Variants in DDR2 observed in about 807,000 individuals in gnomAD.
The protein encoded by DDR2 is discoidin domain receptor tyrosine kinase 2.
Under a neutral mutation model 94.9 loss-of-function variants are expected in DDR2, and 27 were observed. That is an observed-to-expected ratio of 0.28 (90% confidence interval 0.21 to 0.39). The LOEUF (loss-of-function observed/expected upper bound fraction) is 0.39, where lower values mean the gene tolerates loss of function less well. Ranked by LOEUF, DDR2 falls within the 10% of genes least tolerant of loss-of-function variation. The probability of loss-of-function intolerance (pLI) is 1.00; values close to 1 mark genes in which losing one functional copy is unlikely to be tolerated. For synonymous variants in DDR2, 382 were observed against 377.2 expected, an observed-to-expected ratio of 1.01 and a Z score of -0.15; for missense variants, 783 against 1,076.0, an observed-to-expected ratio of 0.73 and a Z score of 3.81.
At chr1:162,748,818 G>C (rs549216614) in intron 3 of DDR2, among the ~76,000 whole-genome samples, 34 of 152,328 alleles carry the variant, frequency 2.2e-4, no homozygotes, top group African/African-American at 7.9e-4. Flanking sequence ...TCAGACCACA[G>C]TGCAATCAAA....
At chr1:162,729,296 ATATATTT>A (rs1436659313) in intron 3 of DDR2, among the ~76,000 whole-genome samples, 752 of 33,020 alleles carry the variant, frequency 0.023, 18 homozygotes, top group African/African-American at 0.053. Flanking sequence ...ATATATATAT[ATATATTT>A]TTTTTTTTTT....
At chr1:162,770,050 T>A (rs577694836) in intron 11 of DDR2, among the ~76,000 whole-genome samples, 9 of 152,242 alleles carry the variant, frequency 5.9e-5, no homozygotes, top group East Asian at 3.9e-4. Context: ...CTTTTTTTTT[T>A]AAGTGTTTCA....
chr1:162,763,230 G>C (rs540847983), intron 9 of DDR2, among the ~76,000 whole-genome samples: 9 of 148,364 alleles, frequency 6.1e-5, no homozygotes, highest in African/African-American at 1.7e-4. Flanking sequence ...GCCCAGGCTG[G>C]AGTACTATCT....
chr1:162,643,118 C>T (rs1234585921), intron 1 of DDR2, among the ~76,000 whole-genome samples: 2 of 152,138 alleles, frequency 1.3e-5, no homozygotes, highest in East Asian at 1.9e-4. Context: ...CTTTCCTTCA[C>T]AACTTTCTGA....
At chr1:162,749,660 G>A (rs543959379) in intron 3 of DDR2, among the ~76,000 whole-genome samples, 1 of 152,108 alleles carries the variant, frequency 6.6e-6, no homozygotes, top group African/African-American at 2.4e-5. Context: ...ATTTTATAAG[G>A]CCAGCATCAT....
In DDR2 at chr1:162,671,023, G is replaced by A. The variant is rs571518053; in HGVS notation, c.-28+15649G>A. On this transcript the variant is annotated intron_variant, in intron 2 of 17. Transcript: ENST00000367921. ...GCCAGGAGGTTCACAGTAAATGAGGGGTGTGGTCTGTGAAGGGAAAAGTGG... is the reference window on the plus strand; with the variant it reads ...GCCAGGAGGTTCACAGTAAATGAGGAGTGTGGTCTGTGAAGGGAAAAGTGG... 3.3e-5 allele frequency among the ~76,000 whole-genome samples: 5 copies of A among 152,154 alleles called. No individual in the cohort carries two copies. The East Asian group carries it at 7.7e-4, about 24-fold the overall frequency.
At chr1:162,744,765 G>A (rs1662770408) in intron 3 of DDR2, among the ~76,000 whole-genome samples, 1 of 151,068 alleles carries the variant, frequency 6.6e-6, no homozygotes, top group African/African-American at 2.4e-5. Flanking sequence ...ATAGTCATTT[G>A]TGTTGTTTCC....
chr1:162,643,112 C>T (rs1657223432), intron 1 of DDR2, among the ~76,000 whole-genome samples: 1 of 152,074 alleles, frequency 6.6e-6, no homozygotes, highest in African/African-American at 2.4e-5. Flanking sequence ...TATTGTCTTT[C>T]CTTCACAACT....
intron 11 of DDR2, among the ~76,000 whole-genome samples, chr1:162,768,514 G>A (rs1312771845): frequency 1.3e-5 from 2 of 152,192 alleles, no homozygotes; most frequent in African/African-American, 4.8e-5. Flanking sequence ...ACCAATGCCT[G>A]TGTGGAACCT....
At position 162,664,469 on chromosome 1, in the gene DDR2, A is replaced by G. The variant is rs984266970; in HGVS notation, c.-28+9095A>G. Among the ~76,000 whole-genome samples, 24 of 152,292 alleles carry G rather than the reference A, an allele frequency of 1.6e-4. No individual in the cohort carries two copies. In the East Asian group the frequency reaches 4.2e-3, roughly 27 times the overall value. ...AAATTTATTATAGAATTATGTACTA[A>G]AAAACCCTAAATGACCAGCCTTGAG... On this transcript the variant is annotated intron_variant, in intron 2 of 17. Coordinates refer to ENST00000367921, the MANE Select transcript of DDR2 (RefSeq NM_006182.4).
intron 2 of DDR2, among the ~76,000 whole-genome samples, chr1:162,679,515 G>A (rs930977203): frequency 1.3e-5 from 2 of 152,170 alleles, no homozygotes; most frequent in African/African-American, 4.8e-5. Flanking sequence ...GTATTCCATG[G>A]TGTGTATGTA....
At chr1:162,728,599 A>G (rs977858139) in intron 3 of DDR2, among the ~76,000 whole-genome samples, 1 of 152,180 alleles carries the variant, frequency 6.6e-6, no homozygotes, top group Non-Finnish European at 1.5e-5. Context: ...ATGCTATGCC[A>G]TGCTGTCTTT....
At chr1:162,704,447 C>A (rs921655882) in intron 2 of DDR2, among the ~76,000 whole-genome samples, 7 of 152,182 alleles carry the variant, frequency 4.6e-5, no homozygotes, top group Non-Finnish European at 4.4e-5. Context: ...CATCAAATAA[C>A]TATCTACTCT....
At chr1:162,684,159 T>C (rs954817260) in intron 2 of DDR2, among the ~76,000 whole-genome samples, 1 of 152,232 alleles carries the variant, frequency 6.6e-6, no homozygotes, top group African/African-American at 2.4e-5. Flanking sequence ...TTTAGGTCCT[T>C]GGCCTTGCAC....
chr1:162,732,155 G>A (rs1451444496), intron 3 of DDR2, among the ~76,000 whole-genome samples: 1 of 152,174 alleles, frequency 6.6e-6, no homozygotes, highest in Non-Finnish European at 1.5e-5. Context: ...CAATCCTAAA[G>A]GTCTATTCCT....
intron 2 of DDR2, among the ~76,000 whole-genome samples, chr1:162,710,450 A>G (rs920864253): frequency 1.3e-5 from 2 of 152,204 alleles, no homozygotes; most frequent in Non-Finnish European, 2.9e-5. Context: ...CCTCAGGAAT[A>G]GAAACAGAAC....
At chr1:162,651,090 A>G (rs6676255) in intron 1 of DDR2, among the ~76,000 whole-genome samples, 139,170 of 152,110 alleles carry the variant, frequency 0.91, 64,254 homozygotes, top group Middle Eastern at 0.98. Context: ...ATTATTGTAC[A>G]TCAGGCTTTC....
At chr1:162,725,810 T>A (rs1661637913) in intron 3 of DDR2, among the ~76,000 whole-genome samples, 1 of 152,216 alleles carries the variant, frequency 6.6e-6, no homozygotes, top group East Asian at 1.9e-4. Context: ...AAACTTAATG[T>A]GTGAAGACAA....
intron 2 of DDR2, among the ~76,000 whole-genome samples, chr1:162,677,043 G>A (rs1235561227): frequency 6.6e-6 from 1 of 152,136 alleles, no homozygotes; most frequent in Non-Finnish European, 1.5e-5. Flanking sequence ...AATCACAGAG[G>A]GTGAACCAAA....
Sources: allele counts gnomAD v4.1 joint callset (sites outside exome capture counted in the v4.1 genomes callset), GRCh38; gene constraint gnomAD v4.1.1; transcripts MANE v1.5; gene names NCBI Gene and HGNC (gene_info 2026-07-23, HGNC 2026-07-21).